Variants in TAF1 observed in about 807,000 individuals in gnomAD.
The protein encoded by TAF1 is TATA-box binding protein associated factor 1.
TAF1 carries 2 observed loss-of-function variants against 138.5 expected under a neutral mutation model. That is an observed-to-expected ratio of 0.01 (90% CI 0.01 to 0.05). The LOEUF is 0.05. TAF1 is among the 10% of genes least tolerant of loss of function. The pLI, the probability that TAF1 is intolerant of heterozygous loss-of-function variation, is 1.00. For missense variants in TAF1, 709 were observed against 1,478.0 expected (o/e 0.48, Z 8.53); for synonymous variants, 437 against 503.2 (o/e 0.87, Z 1.76).
chrX:71,420,009 A>AT (rs943128337), intron 28 of TAF1: 13 of 272,027 alleles, frequency 4.8e-5, no homozygotes, highest in South Asian at 2.3e-4. Flanking sequence ...TTTTGTTTGT[A>AT]TTTTTTTTAA....
chrX:71,369,646 C>T (rs1435359230), intron 3 of TAF1, among the ~76,000 whole-genome samples: 3 of 101,461 alleles, frequency 3.0e-5, no homozygotes, highest in African/African-American at 1.1e-4. Flanking sequence ...CGCTCTATTG[C>T]CCAGGCTGGA....
At chrX:71,498,970 C>T (rs948110671) in intron 13 of TAF1, among the ~76,000 whole-genome samples, 7 of 111,154 alleles carry the variant, frequency 6.3e-5, no homozygotes, top group African/African-American at 2.3e-4. Flanking sequence ...ATTTCCTGGC[C>T]CTCAATAGTT....
In TAF1 at chrX:71,388,898, T is replaced by C. The variant is rs374278967; in HGVS notation, c.2700+30T>C. 4.3e-5 allele frequency: 50 copies of C among 1,163,588 alleles called. No individual in the cohort carries two copies. The African/African-American group carries it at 7.1e-4, about 17-fold the overall frequency. ...ACACCTTCCTCTTAGACACCACTTA[T>C]GCCTGTGGTTTTTTGTTTTTTTTTT... On this transcript the variant is annotated intron_variant, in intron 17 of 37. Transcript: ENST00000423759.
chrX:71,380,118 G>A (rs189303280), intron 8 of TAF1, among the ~76,000 whole-genome samples: 1 of 111,103 alleles, frequency 9.0e-6, no homozygotes, highest in East Asian at 2.8e-4. Flanking sequence ...AAGTTTTGGT[G>A]TATTTTCAGT....
intron 25 of TAF1, among the ~76,000 whole-genome samples, chrX:71,406,326 CAAAAA>C (rs1173763080): frequency 6.4e-5 from 2 of 31,452 alleles, no homozygotes; most frequent in Non-Finnish European, 1.3e-4. Flanking sequence ...AACTACATCT[CAAAAA>C]AAAAAAAAAA....
intron 32 of TAF1, 112 bp from the exon 33 acceptor site, chrX:71,454,058 C>G (rs1215070532): frequency 1.1e-5 from 7 of 632,603 alleles, no homozygotes; most frequent in Admixed American, 3.2e-5. Flanking sequence ...CAAGTTAAAG[C>G]TGAGGCATGG....
At chrX:71,487,598 C>T (rs978785960) in intron 13 of TAF1, among the ~76,000 whole-genome samples, 1 of 111,726 alleles carries the variant, frequency 9.0e-6, no homozygotes, top group Non-Finnish European at 1.9e-5. Flanking sequence ...GCTGGAATTA[C>T]AGGCGTGAGC....
chrX:71,431,618 T>A (rs961520278), intron 32 of TAF1, among the ~76,000 whole-genome samples: 5 of 110,904 alleles, frequency 4.5e-5, no homozygotes, highest in African/African-American at 1.6e-4. Context: ...AATTCCAATA[T>A]TTAAGATAAC....
At chrX:71,367,287 G>A (rs1304785839) in intron 1 of TAF1, among the ~76,000 whole-genome samples, 1 of 112,685 alleles carries the variant, frequency 8.9e-6, no homozygotes, top group African/African-American at 3.2e-5. Context: ...TGTGGGCGAT[G>A]CAGTTGGCTG....
chrX:71,498,749 GTCCC>G, intron 13 of TAF1, among the ~76,000 whole-genome samples: 1 of 111,556 alleles, frequency 9.0e-6, no homozygotes, highest in East Asian at 2.8e-4. Context: ...TGGCTAATAT[GTCCC>G]TCCCTAATAA....
At position 71,494,683 on chromosome X, in the gene TAF1, T is replaced by G. The variant is rs751176085; in HGVS notation, c.1367-33859T>G. Among the ~76,000 whole-genome samples the G allele has an allele frequency of 1.2e-4, 14 of 112,025 alleles. No individual in the cohort carries two copies. In the South Asian group the frequency reaches 5.2e-3, roughly 42 times the overall value. On this transcript the variant is annotated intron_variant and NMD_transcript_variant, in intron 13 of 14. Transcript: ENST00000373775. ...TGTGTCCAGAGTTGGTTCCTGCCGG[T>G]GGGTTCTTGGTCTCACCAACTTCAA... is the stretch of plus-strand genomic sequence containing the variant.
chrX:71,407,876 T>C, intron 27 of TAF1, 98 bp from the exon 28 acceptor site: 1 of 1,074,691 alleles, frequency 9.3e-7, no homozygotes, highest in African/African-American at 1.9e-5. Flanking sequence ...TTCCTTTCAG[T>C]GTTGATAGCC....
intron 34 of TAF1, among the ~76,000 whole-genome samples, chrX:71,456,542 G>A (rs1348150320): frequency 1.8e-5 from 2 of 109,207 alleles, no homozygotes; most frequent in African/African-American, 6.7e-5. Flanking sequence ...TGTTATTAGA[G>A]TGTGTTTGCA....
In TAF1 at chrX:71,382,061, TGTTA is replaced by T. The variant is rs1235512233; in HGVS notation, c.1537+146_1537+149del. ...CGGCTTGAGAGAGCGAAGTTTTGGCTGTTAGTTTATATTATTTGTGTATATGCTT... is the reference window on the plus strand; with the variant it reads ...CGGCTTGAGAGAGCGAAGTTTTGGCTGTTTATATTATTTGTGTATATGCTT... On this transcript the variant is annotated intron_variant, in intron 9 of 37. Coordinates refer to ENST00000423759, the MANE Select transcript of TAF1 (RefSeq NM_004606.5). The T allele has an allele frequency of 5.9e-6, 4 of 683,443 alleles. No individual in the cohort carries two copies. In the South Asian group the frequency reaches 1.5e-4, roughly 26 times the overall value. 56.3% of individuals were successfully genotyped at this position (683,443 alleles called of 1,213,427 possible).
At position 71,464,575 on chromosome X, in the gene TAF1, T is replaced by G; in HGVS notation, c.*529T>G. The G allele has an allele frequency of 4.5e-6, 1 of 220,146 alleles. No individual in the cohort carries two copies. Among genetic ancestry groups the G allele is most frequent in the Non-Finnish European group, 8.2e-6 (1 of 122,383 alleles). The allele number at this position is 220,146 out of a possible 1,213,427, so 18.1% of individuals were successfully genotyped here. On this transcript the variant is annotated 3_prime_UTR_variant, in exon 38 of 38. Transcript: ENST00000423759. ...CAAAAATTAGCCAGGTGTGGTGGCGTATGCCTGTTAATCCTAGCTACTCGG... is the reference window on the plus strand; with the variant it reads ...CAAAAATTAGCCAGGTGTGGTGGCGGATGCCTGTTAATCCTAGCTACTCGG...
At chrX:71,378,200 A>G in intron 6 of TAF1, 35 bp from the exon 7 acceptor site, 1 of 1,195,345 alleles carries the variant, frequency 8.4e-7, no homozygotes, top group Non-Finnish European at 1.1e-6. Flanking sequence ...GGGATCAGGA[A>G]ATTCTCCCTG....
intron 20 of TAF1, 60 bp downstream of exon 20, chrX:71,393,054 C>T: frequency 1.7e-6 from 2 of 1,175,200 alleles, no homozygotes; most frequent in African/African-American, 1.8e-5. Context: ...GTTGGAATTG[C>T]TAGGAGGCAG....
intron 6 of TAF1, 150 bp downstream of exon 6, chrX:71,377,971 G>A (rs1183328560): frequency 6.5e-6 from 5 of 765,744 alleles, no homozygotes; most frequent in Non-Finnish European, 9.1e-6. Flanking sequence ...TTCAATCTCA[G>A]TGGCTGCCCC....
chrX:71,368,120 G>A lies in TAF1; in HGVS notation c.302G>A (p.Ser101Asn), dbSNP rs1466075824. The A allele has an allele frequency of 5.0e-6, 6 of 1,212,089 alleles. No homozygotes were observed. The highest frequency in any genetic ancestry group is 6.7e-6 in the Non-Finnish European group (6 of 895,609). The change falls in exon 3 of 38, where the codon AGC becomes AAC. Residue 101 changes from serine (S) to asparagine (N), a missense_variant. Transcript: ENST00000423759. ...ATCAATGAGGTGGCAGAAGATGAAA[G>A]CCGAAGATACCAGCAGACGATGGGG... is the stretch of plus-strand genomic sequence containing the variant. ...SDINEVAEDE[S>N]RRYQQTMGSL... is the part of the protein sequence containing the mutation.
Sources: allele counts gnomAD v4.1 joint callset (sites outside exome capture counted in the v4.1 genomes callset), GRCh38; gene constraint gnomAD v4.1.1; transcripts MANE v1.5; gene names NCBI Gene and HGNC (gene_info 2026-07-23, HGNC 2026-07-21).